PPHLN1: variants seen among roughly 807,000 people sequenced by gnomAD.
PPHLN1 encodes periphilin-1.
A neutral mutation model predicts 51.3 loss-of-function variants in PPHLN1; 29 were observed. The ratio of observed to expected loss-of-function variants is 0.57; its 90% CI spans 0.42 to 0.77. The LOEUF (loss-of-function observed/expected upper bound fraction) is 0.77, where lower values mean the gene tolerates loss of function less well. Ranked by LOEUF, PPHLN1 falls within the 30% of genes least tolerant of loss-of-function variation. The pLI, the probability that PPHLN1 is intolerant of heterozygous loss-of-function variation, is 0.00. For synonymous variants in PPHLN1, 147 were observed against 147.8 expected, an observed-to-expected ratio of 0.99 and a Z score of 0.04; for missense variants, 436 against 438.4, an observed-to-expected ratio of 0.99 and a Z score of 0.05.
chr12:42,386,519 C>G (rs1230278386), intron 6 of PPHLN1, among the ~76,000 whole-genome samples: 1 of 152,078 alleles, frequency 6.6e-6, no homozygotes, highest in African/African-American at 2.4e-5. Context: ...GTCGTTTTAT[C>G]TCTGCTTTTG....
chr12:42,440,852 A>G (rs1232727862), intron 9 of PPHLN1, among the ~76,000 whole-genome samples: 1 of 152,250 alleles, frequency 6.6e-6, no homozygotes, highest in Non-Finnish European at 1.5e-5. Context: ...TTGCTAAGCT[A>G]ACAGGTGTGA....
chr12:42,350,123 T>A (rs1404867778), intron 2 of PPHLN1: 1 of 147,046 alleles, frequency 6.8e-6, no homozygotes, highest in Non-Finnish European at 1.5e-5. Context: ...GCCCCCCACC[T>A]CCCAGACGGG....
At chr12:42,378,782 T>C (rs117395007) in intron 5 of PPHLN1, among the ~76,000 whole-genome samples, 312 of 152,276 alleles carry the variant, frequency 2.0e-3, no homozygotes, top group Non-Finnish European at 2.9e-3. Context: ...GTTAATCTTA[T>C]GGAACTTTGA....
chr12:42,369,296 G>T lies in PPHLN1; in HGVS notation c.300-5567G>T, dbSNP rs190915664. ...TTCTCGGCATTTCATCCTCTGTAAA[G>T]TAAGTTCCCTGGGAAGTCAAGCTGA... On this transcript the variant is annotated intron_variant, in intron 4 of 9. Transcript: ENST00000358314. Among the ~76,000 whole-genome samples the T allele has an allele frequency of 3.9e-5, 6 of 152,298 alleles. No individual in the cohort carries two copies. In the East Asian group the frequency reaches 1.2e-3, roughly 29 times the overall value.
At chr12:42,349,403 G>GTT (rs199541729) in intron 2 of PPHLN1, among the ~76,000 whole-genome samples, 4 of 151,598 alleles carry the variant, frequency 2.6e-5, no homozygotes, top group Non-Finnish European at 1.5e-5. Context: ...GTTTTGTTTT[G>GTT]TTTTTTAAAT....
chr12:42,402,439 A>G (rs150022786), intron 9 of PPHLN1, among the ~76,000 whole-genome samples: 156 of 152,328 alleles, frequency 1.0e-3, no homozygotes, highest in African/African-American at 3.6e-3. Context: ...TTGTAAGTCT[A>G]AATCTACTTA....
chr12:42,336,031 T>C, intron 2 of PPHLN1, 57 bp downstream of exon 2: 1 of 1,211,586 alleles, frequency 8.3e-7, no homozygotes, highest in Non-Finnish European at 1.2e-6. Flanking sequence ...ATTAATTTGA[T>C]ACACCAAAGC....
intron 6 of PPHLN1, 103 bp from the exon 7 acceptor site, chr12:42,387,353 A>T: frequency 8.0e-7 from 1 of 1,245,096 alleles, no homozygotes; most frequent in Non-Finnish European, 1.1e-6. Context: ...AAGTTTTAGT[A>T]CTAAAATAAG....
chr12:42,366,335 C>T (rs2075272125), intron 4 of PPHLN1, among the ~76,000 whole-genome samples: 1 of 146,348 alleles, frequency 6.8e-6, no homozygotes, highest in Non-Finnish European at 1.5e-5. Flanking sequence ...TCAAGTGATT[C>T]TCTTGCCTCA....
downstream of PPHLN1, chr12:42,442,733 G>A (rs767719927): frequency 6.2e-7 from 1 of 1,613,538 alleles, no homozygotes; most frequent in Non-Finnish European, 8.5e-7. Flanking sequence ...CGAAGAGACT[G>A]CGCAGTCAGT....
At chr12:42,411,934 C>T (rs1319363034) in intron 9 of PPHLN1, among the ~76,000 whole-genome samples, 1 of 125,702 alleles carries the variant, frequency 8.0e-6, no homozygotes, top group Non-Finnish European at 1.7e-5. Flanking sequence ...GGGCTGGGCG[C>T]GGTATCTCAC....
At chr12:42,378,795 T>A (rs1373102751) in intron 5 of PPHLN1, among the ~76,000 whole-genome samples, 2 of 152,152 alleles carry the variant, frequency 1.3e-5, no homozygotes, top group African/African-American at 4.8e-5. Context: ...AACTTTGAAC[T>A]ACTTCAAACT....
At chr12:42,330,495 C>T (rs542106205) in intron 1 of PPHLN1, among the ~76,000 whole-genome samples, 1 of 152,138 alleles carries the variant, frequency 6.6e-6, no homozygotes, top group Admixed American at 6.5e-5. Context: ...GGCATTGTGC[C>T]CCTGGTTAAT....
chr12:42,440,671 G>A (rs768441746), intron 9 of PPHLN1, among the ~76,000 whole-genome samples: 4 of 152,228 alleles, frequency 2.6e-5, no homozygotes, highest in Admixed American at 1.3e-4. Flanking sequence ...ATTCCCTTGC[G>A]TTTCCCAGTT....
intron 2 of PPHLN1, among the ~76,000 whole-genome samples, chr12:42,350,674 C>T (rs2073195722): frequency 6.6e-6 from 1 of 152,188 alleles, no homozygotes; most frequent in Non-Finnish European, 1.5e-5. Flanking sequence ...GCCTGGGCAA[C>T]ATTGAGCATT....
At position 42,374,856 on chromosome 12, in the gene PPHLN1, T is replaced by G; in HGVS notation, c.300-7T>G. The G allele has an allele frequency of 6.3e-7, 1 of 1,579,576 alleles. No individual in the cohort carries two copies. The highest frequency in any genetic ancestry group is 1.4e-5 in the African/African-American group (1 of 72,498). On this transcript the variant is annotated splice_polypyrimidine_tract_variant and splice_region_variant and intron_variant, in intron 4 of 9. Transcript: ENST00000358314. Reference sequence around the variant, plus strand: ...TAACTTATTTTATGTTTTTTTTTTTTTCAAAGGGACATGAGAGATGGCTTT... The same window carrying G: ...TAACTTATTTTATGTTTTTTTTTTTGTCAAAGGGACATGAGAGATGGCTTT...
chr12:42,407,305 A>C (rs763497158), intron 9 of PPHLN1, among the ~76,000 whole-genome samples: 3 of 152,238 alleles, frequency 2.0e-5, no homozygotes, highest in Non-Finnish European at 4.4e-5. Context: ...ACAGGGTTAC[A>C]GACATGACTG....
chr12:42,332,666 G>A (rs1338846588), intron 1 of PPHLN1: 5 of 1,576,658 alleles, frequency 3.2e-6, no homozygotes, highest in Non-Finnish European at 4.4e-6. Context: ...ACAGGAAATT[G>A]TTGAAAACGT....
intron 9 of PPHLN1, chr12:42,432,991 A>T (rs1365472478): frequency 5.6e-6 from 8 of 1,428,464 alleles, no homozygotes; most frequent in African/African-American, 1.4e-5. Context: ...TAAAATCTTT[A>T]TGTGCATTTT....
Sources: gnomAD v4.1 joint callset for allele counts (sites outside exome capture counted in the v4.1 genomes callset) on GRCh38, gnomAD v4.1.1 for gene constraint, MANE v1.5 for transcripts, NCBI Gene and HGNC (gene_info 2026-07-23, HGNC 2026-07-21) for gene names.